The following IPO11 variants were observed in gnomAD, a reference collection of about 807,000 sequenced individuals.
The protein encoded by IPO11 is importin 11, also known as importin-11.
IPO11 carries 66 observed loss-of-function variants against 143.2 expected under a neutral mutation model. The observed-to-expected ratio is 0.46, with a 90% CI of 0.38 to 0.57. The LOEUF (loss-of-function observed/expected upper bound fraction) is 0.57. Ranked by LOEUF, IPO11 falls within the 20% of genes least tolerant of loss-of-function variation. IPO11 has a pLI of 0.00. For missense variants in IPO11, 1,026 were observed against 1,141.0 expected, an observed-to-expected ratio of 0.90 and a Z score of 1.45; for synonymous variants, 385 against 377.8, an observed-to-expected ratio of 1.02 and a Z score of -0.22.
chr5:62,472,081 C>T (rs1218006329), intron 7 of IPO11, among the ~76,000 whole-genome samples: 1 of 152,186 alleles, frequency 6.6e-6, no homozygotes. Context: ...TTTCAATTCC[C>T]TAACTAGAAT....
At chr5:62,488,971 G>A (rs1243446251) in intron 13 of IPO11, among the ~76,000 whole-genome samples, 1 of 152,180 alleles carries the variant, frequency 6.6e-6, no homozygotes, top group Non-Finnish European at 1.5e-5. Flanking sequence ...TCACTCCACT[G>A]TACTCCAGCC....
At chr5:62,482,261 A>C (rs1253258757) in intron 9 of IPO11, among the ~76,000 whole-genome samples, 2 of 152,140 alleles carry the variant, frequency 1.3e-5, no homozygotes, top group African/African-American at 2.4e-5. Context: ...GATTTTTTGA[A>C]GGGTTTTTTT....
At chr5:62,506,151 A>G (rs191506058) in intron 18 of IPO11, 90 bp from the exon 19 acceptor site, 32 of 634,722 alleles carry the variant, frequency 5.0e-5, no homozygotes, top group African/African-American at 4.9e-4. Context: ...CTTTGACATT[A>G]TGATTTATTT....
intron 20 of IPO11, among the ~76,000 whole-genome samples, chr5:62,525,498 C>T (rs538157695): frequency 1.4e-4 from 22 of 152,192 alleles, no homozygotes; most frequent in Non-Finnish European, 2.6e-4. Context: ...ATCCTCCTGC[C>T]TCAGTCTCCT....
chr5:62,622,655 T>G (rs560245405), intron 29 of IPO11, among the ~76,000 whole-genome samples: 1 of 152,270 alleles, frequency 6.6e-6, no homozygotes, highest in South Asian at 2.1e-4. Context: ...TCTCAGAGAT[T>G]TAAATAAAGC....
At chr5:62,608,777 A>G (rs1010715783) in intron 29 of IPO11, among the ~76,000 whole-genome samples, 6 of 152,194 alleles carry the variant, frequency 3.9e-5, no homozygotes, top group African/African-American at 1.4e-4. Flanking sequence ...ATCACTGACA[A>G]TTGATAGTTT....
intron 6 of IPO11, among the ~76,000 whole-genome samples, chr5:62,468,976 C>T (rs1026286265): frequency 6.6e-6 from 1 of 152,106 alleles, no homozygotes; most frequent in African/African-American, 2.4e-5. Context: ...ATCTATAGAT[C>T]CTTGGCACTG....
chr5:62,505,644 T>C (rs1017081093), intron 18 of IPO11, among the ~76,000 whole-genome samples: 4 of 152,144 alleles, frequency 2.6e-5, no homozygotes, highest in Non-Finnish European at 5.9e-5. Flanking sequence ...GTGTGATTTG[T>C]TAAGTTTCTA....
intron 1 of IPO11, chr5:62,419,009 C>T (rs1293488324): frequency 6.5e-7 from 1 of 1,550,116 alleles, no homozygotes; most frequent in African/African-American, 1.4e-5. Flanking sequence ...TATGAACAAA[C>T]CTAGATGGTA....
chr5:62,420,894 C>T (rs577209358), intron 1 of IPO11, among the ~76,000 whole-genome samples: 158 of 152,294 alleles, frequency 1.0e-3, no homozygotes, highest in African/African-American at 3.6e-3. Flanking sequence ...GTGTGACCCT[C>T]TGTGTGTCCT....
At chr5:62,549,324 A>G (rs1303536208) in intron 24 of IPO11, among the ~76,000 whole-genome samples, 1 of 152,148 alleles carries the variant, frequency 6.6e-6, no homozygotes, top group Admixed American at 6.6e-5. Flanking sequence ...TGTTGTTATC[A>G]ACCATGGATG....
chr5:62,528,982 A>G (rs1742455752), intron 21 of IPO11, among the ~76,000 whole-genome samples: 1 of 152,152 alleles, frequency 6.6e-6, no homozygotes, highest in African/African-American at 2.4e-5. Flanking sequence ...AGGCTTTTCA[A>G]AAACAACCTT....
chr5:62,545,644 T>C (rs1487361823), intron 24 of IPO11, among the ~76,000 whole-genome samples: 1 of 152,248 alleles, frequency 6.6e-6, no homozygotes, highest in East Asian at 1.9e-4. Context: ...CAAAGGAAAC[T>C]ACCATCAGAG....
chr5:62,428,883 C>T (rs1267430080), intron 1 of IPO11, among the ~76,000 whole-genome samples: 1 of 152,008 alleles, frequency 6.6e-6, no homozygotes, highest in Non-Finnish European at 1.5e-5. Context: ...CCCTGGCTGG[C>T]CTCGAACTCC....
At chr5:62,491,738 T>C (rs1561333010) in intron 15 of IPO11, among the ~76,000 whole-genome samples, 1 of 150,644 alleles carries the variant, frequency 6.6e-6, no homozygotes, top group Non-Finnish European at 1.5e-5. Flanking sequence ...CGATCTCGAC[T>C]CACTGCAAGC....
At position 62,487,816 on chromosome 5, in the gene IPO11, C is replaced by G. The variant is rs765144223; in HGVS notation, c.1264C>G (p.Gln422Glu). 9.9e-6 allele frequency: 16 copies of G among 1,609,296 alleles called. No homozygotes were observed. The highest frequency in any genetic ancestry group is 1.0e-5 in the Non-Finnish European group (12 of 1,178,558). ...TATAGATATATTCCATGAATATAAT[C>G]AGACTCTTACTCCTGTACTTCTAGA... ...LFIDIFHEYN[Q>E]TLTPVLLEMM... Residue 422 changes from glutamine to glutamate, a missense_variant, in exon 13 of 30, where the codon CAG becomes GAG. Around this residue, in one of 5 missense-constraint regions of IPO11, gnomAD observed 237 missense variants for 288.0 expected, o/e 0.82. Transcript: ENST00000325324.
chr5:62,478,827 C>A lies in IPO11; in HGVS notation c.828+2074C>A, dbSNP rs1393780520. On this transcript the variant is annotated intron_variant, in intron 9 of 29. Coordinates refer to ENST00000325324, the MANE Select transcript of IPO11 (RefSeq NM_016338.5). ...ATGTAGAGGTTTAGTCACTTTCAGG[C>A]TTTTTTGTGGGGGATAGGGCAGGGA... Among the ~76,000 whole-genome samples, 10 of 152,186 alleles carry A rather than the reference C, an allele frequency of 6.6e-5. No homozygotes were observed. In the East Asian group the frequency reaches 1.9e-3, roughly 29 times the overall value.
chr5:62,596,663 A>G (rs1375034354), intron 28 of IPO11, among the ~76,000 whole-genome samples: 10 of 152,198 alleles, frequency 6.6e-5, no homozygotes, highest in Admixed American at 6.5e-4. Context: ...AGAATACTAG[A>G]AGAAATGTTG....
At chr5:62,562,852 C>G (rs1743818559) in intron 27 of IPO11, among the ~76,000 whole-genome samples, 1 of 152,110 alleles carries the variant, frequency 6.6e-6, no homozygotes, top group East Asian at 1.9e-4. Flanking sequence ...TAGCAAATGC[C>G]ACATACTTTC....
Sources: gnomAD v4.1 joint callset for allele counts (sites outside exome capture counted in the v4.1 genomes callset) on GRCh38, gnomAD v4.1.1 for gene constraint, gnomAD v4.1.1 regional missense constraint, MANE v1.5 for transcripts, NCBI Gene and HGNC (gene_info 2026-07-23, HGNC 2026-07-21) for gene names.